The following EXOC1 variants were observed in gnomAD, a reference collection of about 807,000 sequenced individuals.
EXOC1 encodes exocyst complex component 1.
A neutral mutation model predicts 107.7 loss-of-function variants in EXOC1; 67 were observed. That is an observed-to-expected ratio of 0.62 (90% CI 0.51 to 0.76). The LOEUF (loss-of-function observed/expected upper bound fraction) is 0.76. Among genes scored for constraint, EXOC1 ranks in the 30% least tolerant of loss-of-function variants. The probability of loss-of-function intolerance (pLI) is 0.00; values close to 1 mark genes in which losing one functional copy is unlikely to be tolerated. For synonymous variants in EXOC1, 348 were observed against 353.5 expected (o/e 0.98, Z 0.17); for missense variants, 833 against 1,055.7 (o/e 0.79, Z 2.92).
chr4:55,872,675 G>GA (rs1198199672), intron 8 of EXOC1: 2 of 524,632 alleles, frequency 3.8e-6, no homozygotes, highest in Middle Eastern at 9.6e-4. Flanking sequence ...AATACTGCCT[G>GA]AAAACAATGG....
rs1252405605 is a variant in EXOC1 at position 55,896,816 on chromosome 4, G to T, written c.2053G>T (p.Ala685Ser). Residue 685 changes from alanine to serine, a missense_variant, in exon 16 of 19, where the codon GCA becomes TCA. By Grantham distance (99) the Ala-to-Ser change is moderately conservative (BLOSUM62 1). Coordinates refer to ENST00000381295, the MANE Select transcript of EXOC1 (RefSeq NM_001024924.2). ...VAEFEEFAGLAESIFKNAERR... is the reference protein window; with the variant it reads ...VAEFEEFAGLSESIFKNAERR... ...TGAATTTGAAGAATTTGCTGGACTT[G>T]CAGAATCAATCTTCAAAAATGCTGA... is the stretch of plus-strand genomic sequence containing the variant. 1 of 1,611,806 alleles carries T rather than the reference G, an allele frequency of 6.2e-7. No homozygotes were observed. The highest frequency in any genetic ancestry group is 1.3e-5 in the African/African-American group (1 of 74,766).
At chr4:55,901,838 T>C (rs942667726) in intron 17 of EXOC1, among the ~76,000 whole-genome samples, 14 of 152,272 alleles carry the variant, frequency 9.2e-5, no homozygotes, top group African/African-American at 3.4e-4. Context: ...CTTAAAGTTA[T>C]GCTCTTCAAC....
chr4:55,855,512 A>G (rs1161234593), intron 1 of EXOC1, among the ~76,000 whole-genome samples: 1 of 152,220 alleles, frequency 6.6e-6, no homozygotes, highest in Non-Finnish European at 1.5e-5. Flanking sequence ...CTAGGAATAC[A>G]AAGATGATTA....
At position 55,864,342 on chromosome 4, in the gene EXOC1, G is replaced by A. The variant is rs745429232; in HGVS notation, c.371G>A (p.Arg124Gln). 26 of 1,610,170 alleles carry A rather than the reference G, an allele frequency of 1.6e-5. No individual in the cohort carries two copies. The highest frequency in any genetic ancestry group is 1.0e-4 in the Admixed American group (6 of 59,670). ...TGGAAATTGAATCAGCGATATCTCC[G>A]GAAGAAAATTGATTTTGTCAATGTT... ...CIWKLNQRYLRKKIDFVNVSS... is the reference protein window; with the variant it reads ...CIWKLNQRYLQKKIDFVNVSS... The change falls in exon 4 of 19, where the codon CGG (arginine) becomes CAG (glutamine). Residue 124 changes from arginine to glutamine, a missense_variant. This residue lies in a region of EXOC1 where 617 missense variants were observed against 701.3 expected (regional missense o/e 0.88). Transcript: ENST00000381295.
At chr4:55,859,076 A>C (rs1721241121) in intron 2 of EXOC1, among the ~76,000 whole-genome samples, 1 of 152,116 alleles carries the variant, frequency 6.6e-6, no homozygotes, top group African/African-American at 2.4e-5. Flanking sequence ...GGTGTGTGTG[A>C]GCATTTCTGG....
At chr4:55,902,259 A>G in intron 17 of EXOC1, 85 bp from the exon 18 acceptor site, 1 of 1,079,506 alleles carries the variant, frequency 9.3e-7, no homozygotes, top group Non-Finnish European at 1.2e-6. Flanking sequence ...CATGGTGATT[A>G]TACACTACTT....
intron 2 of EXOC1, among the ~76,000 whole-genome samples, chr4:55,859,278 A>G (rs1218237051): frequency 3.3e-5 from 5 of 152,014 alleles, no homozygotes; most frequent in African/African-American, 7.2e-5. Flanking sequence ...ACAGTTCTCT[A>G]TTTATCTAGG....
chr4:55,881,819 TCC>T (rs1326628274), intron 9 of EXOC1, among the ~76,000 whole-genome samples: 1 of 152,138 alleles, frequency 6.6e-6, no homozygotes, highest in Non-Finnish European at 1.5e-5. Context: ...GCTTGACTTT[TCC>T]CTATAACTTA....
intron 4 of EXOC1, among the ~76,000 whole-genome samples, chr4:55,867,309 T>G (rs1402407690): frequency 1.3e-5 from 2 of 152,188 alleles, no homozygotes; most frequent in Non-Finnish European, 2.9e-5. Context: ...ACCAAAAGTT[T>G]TAGTCTTCTT....
At chr4:55,854,382 A>T (rs1351323654) in intron 1 of EXOC1, among the ~76,000 whole-genome samples, 1 of 152,164 alleles carries the variant, frequency 6.6e-6, no homozygotes, top group Non-Finnish European at 1.5e-5. Context: ...CAACCAGTAC[A>T]GAGTAAGCAG....
rs757100023 is a variant in EXOC1 at position 55,899,637 on chromosome 4, A to G, written c.2138-48A>G. On this transcript the variant is annotated intron_variant, in intron 16 of 18. Coordinates refer to ENST00000381295, the MANE Select transcript of EXOC1 (RefSeq NM_001024924.2). ...ATAGTATAAATGTTTATAGCTAAAT[A>G]TGGTCATACTCAGAGATGTTATTTT... 20 of 1,499,802 alleles carry G rather than the reference A, an allele frequency of 1.3e-5. No homozygotes were observed. The East Asian group carries it at 2.5e-4, about 19-fold the overall frequency. The allele number at this position is 1,499,802 out of a possible 1,614,324, so 92.9% of individuals were successfully genotyped here.
intron 9 of EXOC1, among the ~76,000 whole-genome samples, chr4:55,879,888 TTAA>T (rs1723229766): frequency 6.6e-6 from 1 of 152,146 alleles, no homozygotes; most frequent in South Asian, 2.1e-4. Flanking sequence ...ATAAGCTGTG[TTAA>T]TAATTAATAA....
At position 55,876,577 on chromosome 4, in the gene EXOC1, A is replaced by G. The variant is rs971218132; in HGVS notation, c.1075-1340A>G. 7.1e-6 allele frequency: 7 copies of G among 984,270 alleles called. No homozygotes were observed. In the African/African-American group the frequency reaches 1.2e-4, roughly 17 times the overall value. The allele number at this position is 984,270 out of a possible 1,614,324, so 61.0% of individuals were successfully genotyped here. ...TTGGCTGTCAGAATTACAGAAAGGG[A>G]TTATGGACCTATTAATATACCTTGT... On this transcript the variant is annotated intron_variant, in intron 8 of 18. Coordinates refer to ENST00000381295, the MANE Select transcript of EXOC1 (RefSeq NM_001024924.2).
At position 55,857,168 on chromosome 4, in the gene EXOC1, C is replaced by CTTTTTTTTTTTTTT. The variant is rs71192052; in HGVS notation, c.-10-1132_-10-1119dup. Among the ~76,000 whole-genome samples the CTTTTTTTTTTTTTT allele has an allele frequency of 7.5e-4, 49 of 65,766 alleles. 3 individuals are homozygous for CTTTTTTTTTTTTTT. The highest frequency in any genetic ancestry group is 1.2e-3 in the Admixed American group (5 of 4,224). 43.1% of individuals were successfully genotyped at this position (65,766 alleles called of 152,430 possible). ...TTTCATTACTTCATTTCCTTTTTTT[C>CTTTTTTTTTTTTTT]TTTTTTTTTTTTTTTTTTTTTTTTT... On this transcript the variant is annotated intron_variant, in intron 1 of 18. Coordinates refer to ENST00000381295, the MANE Select transcript of EXOC1 (RefSeq NM_001024924.2).
Position 55,868,485 on chromosome 4 carries a change from G to A in EXOC1, c.565G>A (p.Ala189Thr), listed in dbSNP as rs1438059668. 1.9e-6 allele frequency: 3 copies of A among 1,613,672 alleles called. No individual in the cohort carries two copies. In the African/African-American group the frequency reaches 4.0e-5, roughly 22 times the overall value. ...EYAISNAEAF[A>T]EKLSRELQVL... ...TGCAATCTCGAATGCGGAAGCCTTT[G>A]CAGAAAAATTGTCCAGAGAGCTGCA... is the stretch of plus-strand genomic sequence containing the variant. Residue 189 changes from alanine to threonine, a missense_variant, in exon 5 of 19, where the codon GCA becomes ACA. By Grantham distance (58) the Ala-to-Thr change is moderately conservative (BLOSUM62 0). This residue lies in a region of EXOC1 where 617 missense variants were observed against 701.3 expected (regional missense o/e 0.88). Coordinates refer to ENST00000381295, the MANE Select transcript of EXOC1 (RefSeq NM_001024924.2).
intron 10 of EXOC1, 120 bp downstream of exon 10, chr4:55,884,048 G>A: frequency 1.2e-5 from 8 of 680,340 alleles, no homozygotes; most frequent in South Asian, 1.0e-4. Flanking sequence ...TGAAAAAAGA[G>A]GTCTAAAACG....
intron 1 of EXOC1, among the ~76,000 whole-genome samples, chr4:55,857,111 A>T (rs1721043547): frequency 6.7e-6 from 1 of 149,088 alleles, no homozygotes. Flanking sequence ...ACTTAGCATA[A>T]TCTTTTCAAG....
At chr4:55,871,339 G>A in intron 7 of EXOC1, 106 bp downstream of exon 7, 1 of 1,357,344 alleles carries the variant, frequency 7.4e-7, no homozygotes, top group African/African-American at 1.5e-5. Context: ...TGGTTTAAGG[G>A]TTACATTATT....
chr4:55,890,156 C>T (rs765374181), intron 11 of EXOC1, 67 bp from the exon 12 acceptor site: 1 of 1,487,648 alleles, frequency 6.7e-7, no homozygotes, highest in Non-Finnish European at 9.3e-7. Context: ...GAAGATCTAT[C>T]CCTGCTTTAT....
Sources: gnomAD v4.1 joint callset for allele counts (sites outside exome capture counted in the v4.1 genomes callset) on GRCh38, gnomAD v4.1.1 for gene constraint, gnomAD v4.1.1 regional missense constraint, MANE v1.5 for transcripts, NCBI Gene and HGNC (gene_info 2026-07-23, HGNC 2026-07-21) for gene names.